TMEM215: variants seen among roughly 807,000 people sequenced by gnomAD.
TMEM215 encodes transmembrane protein 215.
In TMEM215, 12 loss-of-function variants were observed where a neutral mutation model predicts 14.7. The observed-to-expected ratio is 0.82, with a 90% CI of 0.52 to 1.33. The LOEUF (loss-of-function observed/expected upper bound fraction) is 1.33, where lower values mean the gene tolerates loss of function less well. TMEM215 is among the 40% of genes most tolerant of loss of function. TMEM215 has a pLI of 0.00. For synonymous variants in TMEM215, 122 were observed against 124.8 expected (o/e 0.98, Z 0.15); for missense variants, 276 against 296.2 (o/e 0.93, Z 0.50).
At position 32,784,656 on chromosome 9, in the gene TMEM215, C is replaced by G; in HGVS notation, c.473C>G (p.Thr158Arg). The change falls in exon 2 of 2, where the codon ACG (threonine) becomes AGG (arginine). Residue 158 changes from threonine to arginine, a missense_variant. Transcript: ENST00000342743. ...GTCCAGAATGGGCATCAGGAGGAGA[C>G]GTCCAGATACCTGGACGGCTACTGC... ...SLVQNGHQEE[T>R]SRYLDGYCPS... 1.2e-6 allele frequency: 2 copies of G among 1,613,972 alleles called. No homozygotes were observed. The highest frequency in any genetic ancestry group is 1.7e-6 in the Non-Finnish European group (2 of 1,179,984).
Position 32,785,094 on chromosome 9 carries a change from C to T in TMEM215, c.*203C>T, listed in dbSNP as rs1347298294. 3.6e-6 allele frequency: 2 copies of T among 560,976 alleles called. No individual in the cohort carries two copies. Among genetic ancestry groups the T allele is most frequent in the East Asian group, 5.9e-5 (2 of 33,948 alleles). The allele number at this position is 560,976 out of a possible 1,614,324, so 34.7% of individuals were successfully genotyped here. ...AGGGAAGGGCGATGAGGGTTAAGGA[C>T]ACTGGAAGAGGCAGTGGGTAGGAAA... On this transcript the variant is annotated 3_prime_UTR_variant, in exon 2 of 2. Coordinates refer to ENST00000342743, the MANE Select transcript of TMEM215 (RefSeq NM_212558.3).
At position 32,784,964 on chromosome 9, in the gene TMEM215, G is replaced by T. The variant is rs1824490102; in HGVS notation, c.*73G>T. ...GCTCCCCGTGGAAGCAAATTGCTCTGCTTGGAGAGCCTTCACACTGTTAGA... is the reference window on the plus strand; with the variant it reads ...GCTCCCCGTGGAAGCAAATTGCTCTTCTTGGAGAGCCTTCACACTGTTAGA... On this transcript the variant is annotated 3_prime_UTR_variant, in exon 2 of 2. Coordinates refer to ENST00000342743, the MANE Select transcript of TMEM215 (RefSeq NM_212558.3). 1.3e-5 allele frequency: 16 copies of T among 1,257,830 alleles called. No homozygotes were observed. Among genetic ancestry groups the T allele is most frequent in the Non-Finnish European group, 1.7e-5 (15 of 881,040 alleles). The allele number at this position is 1,257,830 out of a possible 1,614,324, so 77.9% of individuals were successfully genotyped here. A position where few individuals can be genotyped will look rare whatever the true frequency, so the allele number is the denominator to read the frequency against.
Position 32,784,656 on chromosome 9 carries a change from C to A in TMEM215, c.473C>A (p.Thr158Lys), listed in dbSNP as rs1216812080. The A allele has an allele frequency of 2.5e-6, 4 of 1,613,854 alleles. No individual in the cohort carries two copies. The highest frequency in any genetic ancestry group is 3.4e-6 in the Non-Finnish European group (4 of 1,179,992). ...SLVQNGHQEETSRYLDGYCPS... is the reference protein window; with the variant it reads ...SLVQNGHQEEKSRYLDGYCPS... The stretch of plus-strand genomic sequence containing the variant: ...GTCCAGAATGGGCATCAGGAGGAGA[C>A]GTCCAGATACCTGGACGGCTACTGC... The change falls in exon 2 of 2, where the codon ACG becomes AAG. Residue 158 changes from threonine to lysine, a missense_variant. Physicochemically the swap from Thr to Lys is moderately conservative, Grantham distance 78. Coordinates refer to ENST00000342743, the MANE Select transcript of TMEM215 (RefSeq NM_212558.3).
Position 32,787,207 on chromosome 9 carries a change from T to C in TMEM215, c.*2316T>C, listed in dbSNP as rs1824516521. The C allele has an allele frequency of 6.0e-6, 1 of 166,984 alleles. No homozygotes were observed. Among genetic ancestry groups the C allele is most frequent in the Non-Finnish European group, 1.5e-5 (1 of 68,024 alleles). The allele number at this position is 166,984 out of a possible 1,614,324, so 10.3% of individuals were successfully genotyped here. A position where few individuals can be genotyped will look rare whatever the true frequency, so the allele number is the denominator to read the frequency against. On this transcript the variant is annotated 3_prime_UTR_variant, in exon 2 of 2. Transcript: ENST00000342743. Reference sequence around the variant, plus strand: ...ACCATTTAAAACTCCTTTATATCATTCTGTCTCTTTCCAAATTGAGGGTCA... The same window carrying C: ...ACCATTTAAAACTCCTTTATATCATCCTGTCTCTTTCCAAATTGAGGGTCA...
Position 32,784,260 on chromosome 9 carries a change from T to C in TMEM215, c.77T>C (p.Met26Thr). Residue 26 changes from methionine to threonine, a missense_variant, in exon 2 of 2, where the codon ATG becomes ACG. Met to Thr is a moderately conservative substitution (Grantham distance 81). Transcript: ENST00000342743. ...AGTGTCTTCCTCGTCTTTGGTTTCA[T>C]GTTCACCGTCTCTGGGATGAAAGGG... ...LVSVFLVFGF[M>T]FTVSGMKGET... 1 of 1,614,198 alleles carries C rather than the reference T, an allele frequency of 6.2e-7. No individual in the cohort carries two copies. The highest frequency in any genetic ancestry group is 8.5e-7 in the Non-Finnish European group (1 of 1,180,030).
rs1277050520 is a variant in TMEM215 at position 32,787,887 on chromosome 9, A to G, written c.*2996A>G. On this transcript the variant is annotated 3_prime_UTR_variant, in exon 2 of 2. Transcript: ENST00000342743. ...TGAATTTCTCTTGCTCTGTATGCCT[A>G]CTTATTGTGCACATGGGTTGTTTTT... Among the ~76,000 whole-genome samples, 1 of 152,090 alleles carries G rather than the reference A, an allele frequency of 6.6e-6. No individual in the cohort carries two copies. The highest frequency in any genetic ancestry group is 1.9e-4 in the East Asian group (1 of 5,206).
At position 32,788,729 on chromosome 9, in the gene TMEM215, C is replaced by T. The variant is rs1824534167; in HGVS notation, c.*3838C>T. ...TATTGTTGTGTGGGTCTTCCCTTCA[C>T]TCTTGTGGATATAAGACCCAGGGTG... On this transcript the variant is annotated 3_prime_UTR_variant, in exon 2 of 2. Coordinates refer to ENST00000342743, the MANE Select transcript of TMEM215 (RefSeq NM_212558.3). 6.6e-6 allele frequency among the ~76,000 whole-genome samples: 1 copy of T among 152,232 alleles called. No individual in the cohort carries two copies. The highest frequency in any genetic ancestry group is 1.5e-5 in the Non-Finnish European group (1 of 68,050).
rs1824495499 is a variant in TMEM215 at position 32,785,305 on chromosome 9, G to A, written c.*414G>A. The A allele has an allele frequency of 5.7e-6, 1 of 174,414 alleles. No individual in the cohort carries two copies. Among genetic ancestry groups the A allele is most frequent in the Admixed American group, 6.1e-5 (1 of 16,434 alleles). 10.8% of individuals were successfully genotyped at this position (174,414 alleles called of 1,614,324 possible). On this transcript the variant is annotated 3_prime_UTR_variant, in exon 2 of 2. Coordinates refer to ENST00000342743, the MANE Select transcript of TMEM215 (RefSeq NM_212558.3). Reference sequence around the variant, plus strand: ...GAGCTGCTTTATGTTTGAATAAGTTGAAAATAAAATTAATGATCCGTTATA... The same window carrying A: ...GAGCTGCTTTATGTTTGAATAAGTTAAAAATAAAATTAATGATCCGTTATA...
At position 32,784,530 on chromosome 9, in the gene TMEM215, G is replaced by C. The variant is rs1261259707; in HGVS notation, c.347G>C (p.Gly116Ala). ...GSSDELAKKAGLRGKPPPQSQ... is the reference protein window; with the variant it reads ...GSSDELAKKAALRGKPPPQSQ... The stretch of plus-strand genomic sequence containing the variant: ...TCAGATGAGCTGGCTAAGAAGGCGG[G>C]CCTCAGGGGGAAGCCTCCCCCACAA... The change falls in exon 2 of 2, where the codon GGC (glycine) becomes GCC (alanine). Residue 116 changes from glycine to alanine, a missense_variant. Transcript: ENST00000342743. 1.2e-6 allele frequency: 2 copies of C among 1,613,826 alleles called. No individual in the cohort carries two copies. Among genetic ancestry groups the C allele is most frequent in the African/African-American group, 1.3e-5 (1 of 74,922 alleles).
chr9:32,784,939 G>T lies in TMEM215; in HGVS notation c.*48G>T. The T allele has an allele frequency of 6.7e-7, 1 of 1,502,396 alleles. No homozygotes were observed. The allele number at this position is 1,502,396 out of a possible 1,614,324, so 93.1% of individuals were successfully genotyped here. ...GATTGATAGAATATGACTAAGCCCA[G>T]CTCCCCGTGGAAGCAAATTGCTCTG... On this transcript the variant is annotated 3_prime_UTR_variant, in exon 2 of 2. Transcript: ENST00000342743.
Position 32,787,940 on chromosome 9 carries a change from G to T in TMEM215, c.*3049G>T, listed in dbSNP as rs1824526204. Among the ~76,000 whole-genome samples, 1 of 152,066 alleles carries T rather than the reference G, an allele frequency of 6.6e-6. No homozygotes were observed. Among genetic ancestry groups the T allele is most frequent in the Admixed American group, 6.6e-5 (1 of 15,266 alleles). On this transcript the variant is annotated 3_prime_UTR_variant, in exon 2 of 2. Transcript: ENST00000342743. ...AAACTGCTTCTTGATTCTTAAGTGAGAATTCAGACATGATACTCAAACGAG... is the reference window on the plus strand; with the variant it reads ...AAACTGCTTCTTGATTCTTAAGTGATAATTCAGACATGATACTCAAACGAG...
Position 32,784,536 on chromosome 9 carries a change from G to A in TMEM215, c.353G>A (p.Arg118Lys), listed in dbSNP as rs1171111119. The change falls in exon 2 of 2, where the codon AGG becomes AAG. Residue 118 changes from arginine to lysine, a missense_variant. Physicochemically the swap from Arg to Lys is conservative, Grantham distance 26. Coordinates refer to ENST00000342743, the MANE Select transcript of TMEM215 (RefSeq NM_212558.3). ...SDELAKKAGLRGKPPPQSQGE... is the reference protein window; with the variant it reads ...SDELAKKAGLKGKPPPQSQGE... ...GAGCTGGCTAAGAAGGCGGGCCTCA[G>A]GGGGAAGCCTCCCCCACAAAGCCAG... 3 of 1,613,948 alleles carry A rather than the reference G, an allele frequency of 1.9e-6. No homozygotes were observed. The South Asian group carries it at 3.3e-5, about 18-fold the overall frequency.
In TMEM215 at chr9:32,784,195, T is replaced by C. The variant is rs764614110; in HGVS notation, c.12T>C (p.Asp4=). Residue 4 remains aspartate (D), a synonymous_variant, in exon 2 of 2, where the codon GAT becomes GAC. Transcript: ENST00000342743. The stretch of plus-strand genomic sequence containing the variant: ...GGATGGAGTGAAACATGCGGCCTGA[T>C]GACATTAACCCGAGGACTGGGCTGG... MRP[D]DINPRTGLVV... 1.6e-5 allele frequency: 26 copies of C among 1,610,696 alleles called. No individual in the cohort carries two copies. The East Asian group carries it at 5.8e-4, about 36-fold the overall frequency.
Position 32,784,583 on chromosome 9 carries a change from T to A in TMEM215, c.400T>A (p.Ser134Thr). The change falls in exon 2 of 2, where the codon TCC becomes ACC. Residue 134 changes from serine to threonine, a missense_variant. Coordinates refer to ENST00000342743, the MANE Select transcript of TMEM215 (RefSeq NM_212558.3). ...QSQGEVSVAS[S>T]INSPTPTEEG... ...CCAGGGTGAGGTGTCCGTGGCCAGC[T>A]CCATCAACAGCCCCACACCCACGGA... 1 of 1,613,458 alleles carries A rather than the reference T, an allele frequency of 6.2e-7. No homozygotes were observed.
rs892617728 is a variant in TMEM215, at chr9:32,784,996, C to G, written c.*105C>G. The G allele has an allele frequency of 8.7e-5, 83 of 948,632 alleles. No homozygotes were observed. Among genetic ancestry groups the G allele is most frequent in the Non-Finnish European group, 1.3e-4 (78 of 620,252 alleles). 58.8% of individuals were successfully genotyped at this position (948,632 alleles called of 1,614,324 possible). Reference sequence around the variant, plus strand: ...GAGCCTTCACACTGTTAGAAATTGACCTGGTATGTGATGGGTGTGATAACC... The same window carrying G: ...GAGCCTTCACACTGTTAGAAATTGAGCTGGTATGTGATGGGTGTGATAACC... On this transcript the variant is annotated 3_prime_UTR_variant, in exon 2 of 2. Coordinates refer to ENST00000342743, the MANE Select transcript of TMEM215 (RefSeq NM_212558.3).
rs1304447298 is a variant in TMEM215, at chr9:32,788,574, T to C, written c.*3683T>C. Among the ~76,000 whole-genome samples, 2 of 152,376 alleles carry C rather than the reference T, an allele frequency of 1.3e-5. No homozygotes were observed. The highest frequency in any genetic ancestry group is 3.9e-4 in the East Asian group (2 of 5,192). ...TTTTATGGATGATTTTGTATGTTTTTTTCCTATTGCTGGTTACACTGCTAT... is the reference window on the plus strand; with the variant it reads ...TTTTATGGATGATTTTGTATGTTTTCTTCCTATTGCTGGTTACACTGCTAT... On this transcript the variant is annotated 3_prime_UTR_variant, in exon 2 of 2. Transcript: ENST00000342743.
chr9:32,788,414 T>C lies in TMEM215; in HGVS notation c.*3523T>C, dbSNP rs987646438. ...ATAATAGTGTGTTTTTCTTTTCTCT[T>C]TGAATTATATTCCATGCATGTTTCC... On this transcript the variant is annotated 3_prime_UTR_variant, in exon 2 of 2. Coordinates refer to ENST00000342743, the MANE Select transcript of TMEM215 (RefSeq NM_212558.3). Among the ~76,000 whole-genome samples the C allele has an allele frequency of 2.6e-5, 4 of 152,252 alleles. No individual in the cohort carries two copies. Among genetic ancestry groups the C allele is most frequent in the Non-Finnish European group, 5.9e-5 (4 of 68,030 alleles).
At chr9:32,784,102 G>A in intron 1 of TMEM215, 24 bp from the exon 2 acceptor site, 5 of 1,343,792 alleles carry the variant, frequency 3.7e-6, no homozygotes, top group Non-Finnish European at 4.1e-6. Context: ...TTTTTTTAAC[G>A]CACTGTGGTT....
chr9:32,788,502 G>A lies in TMEM215; in HGVS notation c.*3611G>A, dbSNP rs1824531701. Among the ~76,000 whole-genome samples, 2 of 152,140 alleles carry A rather than the reference G, an allele frequency of 1.3e-5. No homozygotes were observed. The highest frequency in any genetic ancestry group is 2.9e-5 in the Non-Finnish European group (2 of 68,016). ...TTGTGTAATATGCCATTTTAGTGAT[G>A]TTCCATAATTTATCATGCCATTCCT... On this transcript the variant is annotated 3_prime_UTR_variant, in exon 2 of 2. Transcript: ENST00000342743.
Sources: gnomAD v4.1 joint callset for allele counts (sites outside exome capture counted in the v4.1 genomes callset) on GRCh38, gnomAD v4.1.1 for gene constraint, MANE v1.5 for transcripts, NCBI Gene and HGNC (gene_info 2026-07-23, HGNC 2026-07-21) for gene names.